C10orf90: variants seen among roughly 807,000 people sequenced by gnomAD.
C10orf90 encodes the protein (E2-independent) E3 ubiquitin-conjugating enzyme FATS.
In C10orf90, 56 loss-of-function variants were observed where a neutral mutation model predicts 62.5. That is an observed-to-expected ratio of 0.90 (90% CI 0.72 to 1.12). C10orf90 has a LOEUF of 1.12. Ranked by LOEUF, C10orf90 falls within the 50% of genes most tolerant of loss-of-function variation. C10orf90 has a pLI of 0.00. For synonymous variants in C10orf90, 386 were observed against 340.4 expected (o/e 1.13, Z -1.47); for missense variants, 970 against 880.4 (o/e 1.10, Z -1.29).
chr10:126,565,388 A>ATATATATTATATTATATATAATATATAT (rs1844353028), intron 2 of C10orf90, among the ~76,000 whole-genome samples: 4 of 74,626 alleles, frequency 5.4e-5, no homozygotes, highest in African/African-American at 2.2e-4. Flanking sequence ...AATATATATT[A>ATATATATTATATTATATATAATATATAT]TATATATTAT....
At chr10:126,547,948 C>T (rs796244841) in intron 2 of C10orf90, among the ~76,000 whole-genome samples, 5 of 152,090 alleles carry the variant, frequency 3.3e-5, no homozygotes, top group South Asian at 2.1e-4. Context: ...AGAGAAAAGG[C>T]TTACACTGAA....
intron 4 of C10orf90, among the ~76,000 whole-genome samples, chr10:126,497,476 G>T (rs905728057): frequency 3.3e-5 from 5 of 152,116 alleles, no homozygotes; most frequent in Non-Finnish European, 5.9e-5. Flanking sequence ...TCTAAGAATC[G>T]ACCAGAGAAG....
At chr10:126,630,872 C>G (rs775987070) in intron 2 of C10orf90, among the ~76,000 whole-genome samples, 21 of 152,198 alleles carry the variant, frequency 1.4e-4, no homozygotes, top group African/African-American at 4.6e-4. Context: ...TTTGCAACAA[C>G]CTGGGAATCA....
At position 126,475,072 on chromosome 10, in the gene C10orf90, G is replaced by A. The variant is rs190225683; in HGVS notation, c.1535-10086C>T. Among the ~76,000 whole-genome samples, 296 of 152,348 alleles carry A rather than the reference G, an allele frequency of 1.9e-3. 1 individual carries two copies. The highest frequency in any genetic ancestry group is 0.01 in the Middle Eastern group (3 of 294). On this transcript the variant is annotated intron_variant, in intron 4 of 9. Transcript: ENST00000488181. ...CTGACTCCAGCACTGAGCAGTGAATGTCACCTGTGCTGAGCAGTCCAAATC... is the reference window on the plus strand; with the variant it reads ...CTGACTCCAGCACTGAGCAGTGAATATCACCTGTGCTGAGCAGTCCAAATC...
chr10:126,449,959 T>C (rs1173600380), intron 7 of C10orf90, among the ~76,000 whole-genome samples: 1 of 144,848 alleles, frequency 6.9e-6, no homozygotes, highest in Non-Finnish European at 1.5e-5. Flanking sequence ...ATTGCACCAC[T>C]GCACTCCAGC....
At chr10:126,460,367 T>G (rs1859889900) in intron 6 of C10orf90, among the ~76,000 whole-genome samples, 1 of 152,266 alleles carries the variant, frequency 6.6e-6, no homozygotes, top group Non-Finnish European at 1.5e-5. Flanking sequence ...TCACTGGGCA[T>G]GCTGCCATGA....
intron 3 of C10orf90, among the ~76,000 whole-genome samples, chr10:126,509,800 C>A (rs1010609120): frequency 6.6e-6 from 1 of 152,166 alleles, no homozygotes; most frequent in Admixed American, 6.5e-5. Context: ...ACCCTAGTGT[C>A]TCAGTGAGAC....
chr10:126,542,929 G>A (rs985431207), intron 2 of C10orf90, among the ~76,000 whole-genome samples: 8 of 152,042 alleles, frequency 5.3e-5, no homozygotes, highest in Non-Finnish European at 8.8e-5. Context: ...GTATATATTC[G>A]GTTCACTGGT....
chr10:126,451,091 C>T (rs912222880), intron 7 of C10orf90, among the ~76,000 whole-genome samples: 16 of 151,800 alleles, frequency 1.1e-4, no homozygotes, highest in African/African-American at 2.4e-4. Flanking sequence ...TGAGAAAACA[C>T]GCAACATCAC....
chr10:126,623,005 C>T (rs185532975), intron 2 of C10orf90, among the ~76,000 whole-genome samples: 121 of 152,326 alleles, frequency 7.9e-4, no homozygotes, highest in Admixed American at 7.7e-3. Context: ...GGCTCGATGC[C>T]ATCATCCTCC....
At chr10:126,481,423 A>T (rs1339852190) in intron 4 of C10orf90, among the ~76,000 whole-genome samples, 1 of 152,264 alleles carries the variant, frequency 6.6e-6, no homozygotes, top group Admixed American at 6.5e-5. Flanking sequence ...GACTTATATC[A>T]TCATTTAACT....
intron 2 of C10orf90, among the ~76,000 whole-genome samples, chr10:126,618,833 C>T (rs1845591579): frequency 6.6e-6 from 1 of 152,156 alleles, no homozygotes; most frequent in Admixed American, 6.5e-5. Flanking sequence ...CTGCACTTTC[C>T]CTGTTTCAAA....
chr10:126,503,411 A>G (rs1862514005), intron 4 of C10orf90, among the ~76,000 whole-genome samples: 1 of 152,188 alleles, frequency 6.6e-6, no homozygotes, highest in Non-Finnish European at 1.5e-5. Context: ...TGCCTAATTT[A>G]GAAAATGTCC....
At chr10:126,649,071 T>C (rs71494315) in intron 1 of C10orf90, among the ~76,000 whole-genome samples, 2,798 of 39,766 alleles carry the variant, frequency 0.07, 76 homozygotes, top group African/African-American at 0.12. Context: ...TCTCTCTCTC[T>C]CCCCCCCCCC....
At chr10:126,491,343 C>T (rs1228645261) in intron 4 of C10orf90, among the ~76,000 whole-genome samples, 1 of 152,100 alleles carries the variant, frequency 6.6e-6, no homozygotes, top group Non-Finnish European at 1.5e-5. Flanking sequence ...AAAGATTAAA[C>T]CTTTTTAAGG....
intron 2 of C10orf90, among the ~76,000 whole-genome samples, chr10:126,572,443 C>A (rs999705189): frequency 4.6e-5 from 7 of 152,120 alleles, no homozygotes; most frequent in Admixed American, 2.0e-4. Context: ...CTGCTGGTTG[C>A]TGATTTTTAT....
At chr10:126,601,174 C>T (rs1035579254) in intron 2 of C10orf90, among the ~76,000 whole-genome samples, 1 of 152,096 alleles carries the variant, frequency 6.6e-6, no homozygotes, top group Admixed American at 6.5e-5. Context: ...GAACAGAAAG[C>T]CCCCGGGTCA....
chr10:126,630,711 C>T (rs749424613), intron 2 of C10orf90, among the ~76,000 whole-genome samples: 36 of 152,170 alleles, frequency 2.4e-4, no homozygotes, highest in Non-Finnish European at 4.7e-4. Context: ...TATTTAACCT[C>T]TCCAGGTGTC....
chr10:126,453,371 G>A lies in C10orf90; in HGVS notation c.2188+5669C>T, dbSNP rs1199857553. 1.3e-5 allele frequency among the ~76,000 whole-genome samples: 2 copies of A among 152,170 alleles called. No homozygotes were observed. The highest frequency in any genetic ancestry group is 3.9e-4 in the East Asian group (2 of 5,192). Reference sequence around the variant, plus strand: ...CCAAAGTGAAGAAGGGAAGAAGGCAGGTGATCTGGAGGGATGCAAGAATAC... The same window carrying A: ...CCAAAGTGAAGAAGGGAAGAAGGCAAGTGATCTGGAGGGATGCAAGAATAC... On this transcript the variant is annotated intron_variant, in intron 7 of 9. Coordinates refer to ENST00000488181, the MANE Select transcript of C10orf90 (RefSeq NM_001350921.2). The surrounding 1 kb of genome is among the most constrained non-coding windows in gnomAD (Gnocchi z 4.9).
Sources: gnomAD v4.1 joint callset for allele counts (sites outside exome capture counted in the v4.1 genomes callset) on GRCh38, gnomAD v4.1.1 for gene constraint, Gnocchi (gnomAD v3.1) non-coding constraint, MANE v1.5 for transcripts, NCBI Gene and HGNC (gene_info 2026-07-23, HGNC 2026-07-21) for gene names.